PRKG1: variants seen among roughly 807,000 people sequenced by gnomAD.
PRKG1 encodes cGMP-dependent protein kinase 1.
PRKG1 carries 35 observed loss-of-function variants against 88.1 expected under a neutral mutation model. The ratio of observed to expected loss-of-function variants is 0.40; its 90% CI spans 0.30 to 0.53. The LOEUF is 0.53. Among genes scored for constraint, PRKG1 ranks in the 20% least tolerant of loss-of-function variants. The pLI is 0.59. For missense variants in PRKG1, 540 were observed against 839.8 expected (o/e 0.64, Z 4.41); for synonymous variants, 303 against 292.5 (o/e 1.04, Z -0.37).
At chr10:52,000,969 C>A (rs1844579210) in intron 5 of PRKG1, among the ~76,000 whole-genome samples, 1 of 151,694 alleles carries the variant, frequency 6.6e-6, no homozygotes, top group Non-Finnish European at 1.5e-5. Flanking sequence ...TGAGTTGTAC[C>A]CTGAAGTTTT....
At chr10:51,503,070 A>C (rs1280461698) in intron 3 of PRKG1, among the ~76,000 whole-genome samples, 1 of 152,134 alleles carries the variant, frequency 6.6e-6, no homozygotes. Flanking sequence ...ACAAATCATC[A>C]TGTAGGTCAT....
intron 3 of PRKG1, among the ~76,000 whole-genome samples, chr10:51,747,804 T>A (rs1023939624): frequency 6.6e-6 from 1 of 152,092 alleles, no homozygotes; most frequent in Non-Finnish European, 1.5e-5. Context: ...GGGTCTCACT[T>A]TGTCACCCAG....
chr10:52,280,977 T>C (rs1219760735), intron 13 of PRKG1, 47 bp downstream of exon 13: 2 of 1,572,850 alleles, frequency 1.3e-6, no homozygotes, highest in Admixed American at 3.6e-5. Context: ...TTAAAAATAT[T>C]TGTTTATAAA....
At chr10:52,214,241 T>C (rs1296266803) in intron 9 of PRKG1, among the ~76,000 whole-genome samples, 1 of 152,106 alleles carries the variant, frequency 6.6e-6, no homozygotes, top group Non-Finnish European at 1.5e-5. Context: ...GAAGTAAGGG[T>C]TCTGCTTGGA....
chr10:51,174,350 A>G (rs1273817692), intron 2 of PRKG1, among the ~76,000 whole-genome samples: 1 of 151,966 alleles, frequency 6.6e-6, no homozygotes, highest in African/African-American at 2.4e-5. Flanking sequence ...TAACATTGTA[A>G]ACATTTTATA....
chr10:51,473,392 G>A (rs917019397), intron 3 of PRKG1, among the ~76,000 whole-genome samples: 4 of 151,770 alleles, frequency 2.6e-5, no homozygotes, highest in Non-Finnish European at 2.9e-5. Flanking sequence ...TACAGGTTGA[G>A]AAGATTTTTT....
chr10:52,118,056 A>C (rs10824048), intron 7 of PRKG1, among the ~76,000 whole-genome samples: 8,410 of 152,142 alleles, frequency 0.055, 483 homozygotes, highest in East Asian at 0.35. Context: ...TATTTCCCAA[A>C]AGTATAAGTA....
chr10:52,004,555 A>T (rs1176180203), intron 5 of PRKG1, among the ~76,000 whole-genome samples: 1 of 152,124 alleles, frequency 6.6e-6, no homozygotes, highest in African/African-American at 2.4e-5. Context: ...AACGAATATG[A>T]TTCTTATGTA....
intron 3 of PRKG1, among the ~76,000 whole-genome samples, chr10:51,595,623 C>T (rs1184043504): frequency 9.6e-6 from 1 of 104,212 alleles, no homozygotes; most frequent in East Asian, 3.7e-4. Context: ...GAGTGAGACT[C>T]TGCCAATAAA....
At chr10:51,592,350 A>G (rs2097841079) in intron 3 of PRKG1, among the ~76,000 whole-genome samples, 1 of 152,282 alleles carries the variant, frequency 6.6e-6, no homozygotes, top group African/African-American at 2.4e-5. Flanking sequence ...CATGAGTGGG[A>G]TCTACTAGGA....
chr10:51,140,985 T>C (rs1166169018), intron 1 of PRKG1, among the ~76,000 whole-genome samples: 3 of 152,216 alleles, frequency 2.0e-5, no homozygotes, highest in Non-Finnish European at 4.4e-5. Context: ...TTGAAGAGCC[T>C]ATATCTTGGG....
intron 2 of PRKG1, among the ~76,000 whole-genome samples, chr10:51,399,268 T>G (rs1837667768): frequency 6.6e-6 from 1 of 152,140 alleles, no homozygotes; most frequent in Non-Finnish European, 1.5e-5. Context: ...TTTCATATGA[T>G]ACATAGCATG....
At chr10:51,727,031 G>T (rs1309137936) in intron 3 of PRKG1, among the ~76,000 whole-genome samples, 5 of 151,710 alleles carry the variant, frequency 3.3e-5, no homozygotes, top group African/African-American at 1.2e-4. Context: ...CGCCTGCCTC[G>T]GCCTCCCAAA....
intron 3 of PRKG1, among the ~76,000 whole-genome samples, chr10:51,793,938 A>G (rs533128772): frequency 6.6e-6 from 1 of 152,020 alleles, no homozygotes; most frequent in African/African-American, 2.4e-5. Context: ...GTTTTTTTGT[A>G]TTTTTAGTAG....
At chr10:51,561,142 G>A (rs1002369691) in intron 3 of PRKG1, among the ~76,000 whole-genome samples, 2 of 151,830 alleles carry the variant, frequency 1.3e-5, no homozygotes, top group African/African-American at 4.8e-5. Context: ...AGCTGGGTGT[G>A]GTAGCTGGGT....
At chr10:52,123,570 C>T (rs1847868469) in intron 7 of PRKG1, among the ~76,000 whole-genome samples, 1 of 152,026 alleles carries the variant, frequency 6.6e-6, no homozygotes, top group Non-Finnish European at 1.5e-5. Context: ...CTTTATTTTA[C>T]ATTGTAGGAT....
intron 2 of PRKG1, among the ~76,000 whole-genome samples, chr10:51,227,656 C>T (rs1271392239): frequency 6.6e-6 from 1 of 152,068 alleles, no homozygotes; most frequent in Non-Finnish European, 1.5e-5. Flanking sequence ...TGCTCCCGGA[C>T]CAGACTTTAG....
At chr10:51,045,765 C>A (rs1331861093) in intron 1 of PRKG1, among the ~76,000 whole-genome samples, 5 of 152,050 alleles carry the variant, frequency 3.3e-5, no homozygotes, top group Non-Finnish European at 7.4e-5. Flanking sequence ...CTTATTTTAG[C>A]CTTTATAATT....
chr10:51,617,642 G>C (rs1310707071), intron 3 of PRKG1, among the ~76,000 whole-genome samples: 1 of 152,184 alleles, frequency 6.6e-6, no homozygotes, highest in Admixed American at 6.5e-5. Flanking sequence ...TAGCCTAAGA[G>C]CAATAAGCTA....
Sources: gnomAD v4.1 joint callset for allele counts (sites outside exome capture counted in the v4.1 genomes callset) on GRCh38, gnomAD v4.1.1 for gene constraint, MANE v1.5 for transcripts, NCBI Gene and HGNC (gene_info 2026-07-23, HGNC 2026-07-21) for gene names.